SHISA9: variants seen among roughly 807,000 people sequenced by gnomAD.
SHISA9 encodes the protein protein shisa-9.
SHISA9 carries 13 observed loss-of-function variants against 38.0 expected under a neutral mutation model. That is an observed-to-expected ratio of 0.34 (90% confidence interval 0.22 to 0.54). The LOEUF (loss-of-function observed/expected upper bound fraction) is 0.54. SHISA9 is among the 20% of genes least tolerant of loss of function. The pLI is 0.91. For synonymous variants in SHISA9, 275 were observed against 242.0 expected (o/e 1.14, Z -1.27); for missense variants, 538 against 575.8 (o/e 0.93, Z 0.67).
At chr16:13,301,116 G>A in the SHISA9 span, among the ~76,000 whole-genome samples, 1 of 152,124 alleles carries the variant, frequency 6.6e-6, no homozygotes, top group African/African-American at 2.4e-5. Context: ...TCTGCCCAGA[G>A]TTCCCTGTGG....
At chr16:12,920,796 T>C (rs1371612286) in intron 2 of SHISA9, among the ~76,000 whole-genome samples, 1 of 152,200 alleles carries the variant, frequency 6.6e-6, no homozygotes, top group Non-Finnish European at 1.5e-5. Flanking sequence ...ACTGTAGACA[T>C]GTTTGGATTT....
chr16:12,972,889 G>A (rs2072103145), intron 2 of SHISA9, among the ~76,000 whole-genome samples: 1 of 152,228 alleles, frequency 6.6e-6, no homozygotes, highest in South Asian at 2.1e-4. Flanking sequence ...GCCGAGGTGG[G>A]AGGATCACTT....
At chr16:13,408,956 T>C in the SHISA9 span, among the ~76,000 whole-genome samples, 3,461 of 152,152 alleles carry the variant, frequency 0.023, 137 homozygotes, top group African/African-American at 0.079. Flanking sequence ...AGAGAACAGG[T>C]ATTCTTGTTT....
chr16:13,179,596 C>T lies in SHISA9; in HGVS notation c.692-23798C>T, dbSNP rs1596706659. 3.9e-5 allele frequency among the ~76,000 whole-genome samples: 6 copies of T among 152,284 alleles called. 1 individual carries two copies. The South Asian group carries it at 1.2e-3, about 32-fold the overall frequency. On this transcript the variant is annotated intron_variant, in intron 2 of 4. Coordinates refer to ENST00000558583, the MANE Select transcript of SHISA9 (RefSeq NM_001145204.3). ...CTTCTCAGGTGATTGAGGAGAAATC[C>T]TCTGTTAATACTCCTGCCTCCTGGC...
At chr16:13,389,185 G>A in the SHISA9 span, among the ~76,000 whole-genome samples, 1 of 152,160 alleles carries the variant, frequency 6.6e-6, no homozygotes, top group Non-Finnish European at 1.5e-5. Context: ...ATACAGAGTA[G>A]CTTCACTGCC....
chr16:12,927,766 C>A (rs548688733), intron 2 of SHISA9, among the ~76,000 whole-genome samples: 15 of 152,112 alleles, frequency 9.9e-5, no homozygotes, highest in Non-Finnish European at 2.2e-4. Flanking sequence ...GCTCCCACCC[C>A]CCATAGATCT....
intron 2 of SHISA9, among the ~76,000 whole-genome samples, chr16:13,184,716 T>C (rs2050806063): frequency 6.6e-6 from 1 of 151,934 alleles, no homozygotes. Flanking sequence ...AGACAGTATC[T>C]GGCATTCGAG....
chr16:13,235,261 A>G lies in SHISA9; in HGVS notation c.1127A>G (p.Gln376Arg). The change falls in exon 5 of 5, where the codon CAG becomes CGG. Residue 376 changes from glutamine to arginine, a missense_variant. Gln to Arg is a conservative substitution (Grantham distance 43). Transcript: ENST00000558583. ...TTTAAGGGCTGGGACCCCAACGAGC[A>G]GTCCCTCCGGCGGCAGGCTTACAGC... ...TNFKGWDPNEQSLRRQAYSNK... is the reference protein window; with the variant it reads ...TNFKGWDPNERSLRRQAYSNK... 1.9e-6 allele frequency: 3 copies of G among 1,551,752 alleles called. No homozygotes were observed. The highest frequency in any genetic ancestry group is 2.6e-6 in the Non-Finnish European group (3 of 1,147,010).
chr16:13,098,860 C>T (rs115086804), intron 2 of SHISA9, among the ~76,000 whole-genome samples: 3,176 of 152,340 alleles, frequency 0.021, 51 homozygotes, highest in Admixed American at 0.047. Flanking sequence ...CGGTCTTGGG[C>T]AACCCCCTTT....
chr16:13,074,195 C>G (rs2073553720), intron 2 of SHISA9, among the ~76,000 whole-genome samples: 1 of 152,086 alleles, frequency 6.6e-6, no homozygotes, highest in Non-Finnish European at 1.5e-5. Context: ...GTCTCGAACT[C>G]CTGACCTCAG....
the SHISA9 span, among the ~76,000 whole-genome samples, chr16:13,436,279 A>G: frequency 4.6e-5 from 7 of 152,352 alleles, no homozygotes; most frequent in African/African-American, 1.7e-4. Context: ...ACCAAATCCA[A>G]GATGGCGACT....
intron 2 of SHISA9, among the ~76,000 whole-genome samples, chr16:13,099,986 G>A (rs1043808143): frequency 1.3e-5 from 2 of 152,132 alleles, no homozygotes; most frequent in African/African-American, 4.8e-5. Context: ...TCCAGACACC[G>A]ACAGGAGCCA....
chr16:13,009,087 AGT>A (rs948149447), intron 2 of SHISA9, among the ~76,000 whole-genome samples: 6 of 147,674 alleles, frequency 4.1e-5, no homozygotes, highest in African/African-American at 1.5e-4. Flanking sequence ...TAAGAGAGAG[AGT>A]GTGTGTGTAT....
At chr16:13,019,447 C>T (rs890315327) in intron 2 of SHISA9, among the ~76,000 whole-genome samples, 2 of 151,862 alleles carry the variant, frequency 1.3e-5, no homozygotes, top group Non-Finnish European at 2.9e-5. Context: ...TGGGAGAGCT[C>T]TCTGGCGTCT....
chr16:12,925,208 G>A (rs2071378267), intron 2 of SHISA9, among the ~76,000 whole-genome samples: 1 of 151,964 alleles, frequency 6.6e-6, no homozygotes, highest in Non-Finnish European at 1.5e-5. Flanking sequence ...ATGCAGATGA[G>A]AAATGAAGAA....
the SHISA9 span, among the ~76,000 whole-genome samples, chr16:13,249,351 T>C: frequency 6.6e-6 from 1 of 152,252 alleles, no homozygotes; most frequent in African/African-American, 2.4e-5. Context: ...CCATGTCATT[T>C]TGGGCAATCA....
At chr16:13,289,625 G>T in the SHISA9 span, among the ~76,000 whole-genome samples, 2 of 151,962 alleles carry the variant, frequency 1.3e-5, no homozygotes. Context: ...GAGAAAAATT[G>T]GGTAGGGAGA....
At chr16:13,290,943 C>T in the SHISA9 span, among the ~76,000 whole-genome samples, 1 of 152,134 alleles carries the variant, frequency 6.6e-6, no homozygotes. Flanking sequence ...GTCTCTTTCC[C>T]ATTGTATCAT....
the SHISA9 span, among the ~76,000 whole-genome samples, chr16:13,297,223 G>GTA: frequency 5.9e-5 from 9 of 151,992 alleles, no homozygotes; most frequent in African/African-American, 2.2e-4. Context: ...TTCTATAAAG[G>GTA]CTACCTTGAT....
Sources: allele counts gnomAD v4.1 joint callset (sites outside exome capture counted in the v4.1 genomes callset), GRCh38; gene constraint gnomAD v4.1.1; transcripts MANE v1.5; gene names NCBI Gene and HGNC (gene_info 2026-07-23, HGNC 2026-07-21).